VWDE: variants seen among roughly 807,000 people sequenced by gnomAD.
VWDE encodes von Willebrand factor D and EGF domain-containing protein.
In VWDE, 207 loss-of-function variants were observed where a neutral mutation model predicts 178.4. That is an observed-to-expected ratio of 1.16 (90% CI 1.04 to 1.30). VWDE has a LOEUF of 1.30. Ranked by LOEUF, VWDE falls within the 50% of genes most tolerant of loss-of-function variation. The probability of loss-of-function intolerance (pLI) is 0.00; values close to 1 mark genes in which losing one functional copy is unlikely to be tolerated. For synonymous variants in VWDE, 738 were observed against 651.4 expected (o/e 1.13, Z -2.02); for missense variants, 2,287 against 1,901.3 (o/e 1.20, Z -3.77).
chr7:12,344,264 G>A lies in VWDE; in HGVS notation c.4009C>T (p.His1337Tyr). 1 of 1,551,070 alleles carries A rather than the reference G, an allele frequency of 6.4e-7. No individual in the cohort carries two copies. The change falls in exon 21 of 29, where the codon CAT becomes TAT. Residue 1337 changes from histidine (H) to tyrosine (Y), a missense_variant. His to Tyr is a moderately conservative substitution (Grantham distance 83). Coordinates refer to ENST00000275358, the MANE Select transcript of VWDE (RefSeq NM_001135924.3). ...TALCDPDCKN[H>Y]GKCIKPNICQ... ...ATGTTAGGCTTAATACATTTTCCATGGTTTTTGCAATCAGGGTCACAAAGA... is the reference window on the plus strand; with the variant it reads ...ATGTTAGGCTTAATACATTTTCCATAGTTTTTGCAATCAGGGTCACAAAGA...
Position 12,356,147 on chromosome 7 carries a change from G to A in VWDE, c.3709C>T (p.His1237Tyr). 1 of 1,551,476 alleles carries A rather than the reference G, an allele frequency of 6.4e-7. No individual in the cohort carries two copies. Among genetic ancestry groups the A allele is most frequent in the Non-Finnish European group, 8.7e-7 (1 of 1,146,996 alleles). ...GGTGGACAATCACAGGAATAACTGT[G>A]AAAACCACTAATATAGCTGCCAAGA... Reference protein sequence around the residue: ...CGLGSYISGFHSYSCDCPPEL... With the variant: ...CGLGSYISGFYSYSCDCPPEL... Residue 1237 changes from histidine (H) to tyrosine (Y), a missense_variant, in exon 18 of 29, where the codon CAC becomes TAC. By Grantham distance (83) the His-to-Tyr change is moderately conservative. Transcript: ENST00000275358.
At chr7:12,351,747 TAAACTATTAGACA>T in intron 18 of VWDE, 34 bp from the exon 19 acceptor site, 5 of 1,506,152 alleles carry the variant, frequency 3.3e-6, no homozygotes, top group Non-Finnish European at 4.4e-6. Flanking sequence ...AGATTAGACT[TAAACTATTAGACA>T]ACCAAAGCAC....
Position 12,340,368 on chromosome 7 carries a change from A to C in VWDE, c.4320T>G (p.Asn1440Lys), listed in dbSNP as rs1349113663. ...AGAATCCATTTGGACAGAGGCAAGT[A>C]TTTGGCTTATTACACGAACCACCAT... The part of the protein sequence containing the change: ...CLNGGSCNKP[N>K]TCLCPNGFFG... The change falls in exon 24 of 29, where the codon AAT (asparagine) becomes AAG (lysine). Residue 1440 changes from asparagine to lysine, a missense_variant. Coordinates refer to ENST00000275358, the MANE Select transcript of VWDE (RefSeq NM_001135924.3). 1.9e-6 allele frequency: 3 copies of C among 1,551,426 alleles called. No individual in the cohort carries two copies. Among genetic ancestry groups the C allele is most frequent in the Non-Finnish European group, 2.6e-6 (3 of 1,146,878 alleles).
At chr7:12,383,131 C>G (rs1447135422) in intron 4 of VWDE, among the ~76,000 whole-genome samples, 1 of 151,962 alleles carries the variant, frequency 6.6e-6, no homozygotes, top group African/African-American at 2.4e-5. Flanking sequence ...AGCCAATCAG[C>G]AGTTACTGGA....
In VWDE at chr7:12,340,197, C is replaced by G. The variant is rs551334629; in HGVS notation, c.4366+125G>C. 4.7e-5 allele frequency: 33 copies of G among 703,414 alleles called. No homozygotes were observed. In the South Asian group the frequency reaches 6.7e-4, roughly 14 times the overall value. The allele number at this position is 703,414 out of a possible 1,614,324, so 43.6% of individuals were successfully genotyped here. A position where few individuals can be genotyped will look rare whatever the true frequency, so the allele number is the denominator to read the frequency against. Reference sequence around the variant, plus strand: ...AGTAATTTGGTGGGCATACTTGAAACATCGCAAGAATTCTGGGGAAAAAAT... The same window carrying G: ...AGTAATTTGGTGGGCATACTTGAAAGATCGCAAGAATTCTGGGGAAAAAAT... On this transcript the variant is annotated intron_variant, in intron 24 of 28. Transcript: ENST00000275358.
At chr7:12,341,775 C>T (rs1781345912) in intron 23 of VWDE, among the ~76,000 whole-genome samples, 1 of 152,050 alleles carries the variant, frequency 6.6e-6, no homozygotes, top group Admixed American at 6.5e-5. Flanking sequence ...GAAGATTCAA[C>T]ACGTTTCTCT....
intron 19 of VWDE, 84 bp downstream of exon 19, chr7:12,351,489 C>T: frequency 2.9e-6 from 4 of 1,372,394 alleles, no homozygotes; most frequent in Admixed American, 2.9e-5. Context: ...AATAAAAATA[C>T]CTGAGGAATA....
intron 1 of VWDE, among the ~76,000 whole-genome samples, chr7:12,401,869 A>G (rs1784912693): frequency 6.6e-6 from 1 of 152,332 alleles, no homozygotes; most frequent in South Asian, 2.1e-4. Flanking sequence ...TATTTATAAT[A>G]GTCAAAAGGT....
intron 22 of VWDE, among the ~76,000 whole-genome samples, 200 bp downstream of exon 22, chr7:12,342,883 C>G (rs923529941): frequency 5.5e-5 from 8 of 144,566 alleles, no homozygotes; most frequent in African/African-American, 2.1e-4. Context: ...CTTCCTGTGT[C>G]CATGTGATCC....
chr7:12,390,861 T>C (rs1784352482), intron 2 of VWDE, among the ~76,000 whole-genome samples: 1 of 152,080 alleles, frequency 6.6e-6, no homozygotes, highest in South Asian at 2.1e-4. Context: ...AAAAAGACTT[T>C]AACCATTACT....
At chr7:12,399,518 T>A (rs1402428698) in intron 1 of VWDE, among the ~76,000 whole-genome samples, 1 of 152,182 alleles carries the variant, frequency 6.6e-6, no homozygotes, top group East Asian at 1.9e-4. Flanking sequence ...ATATCAATTT[T>A]AAAAACAGGC....
At position 12,396,765 on chromosome 7, in the gene VWDE, A is replaced by C. The variant is rs529873047; in HGVS notation, c.59-2987T>G. On this transcript the variant is annotated intron_variant, in intron 1 of 28. Coordinates refer to ENST00000275358, the MANE Select transcript of VWDE (RefSeq NM_001135924.3). ...ACCCCATCTCTACTTAAAAAAAAAA[A>C]AAAAATACAAAAATACAAAATCAGC... 1.5e-3 allele frequency among the ~76,000 whole-genome samples: 235 copies of C among 152,018 alleles called. 1 individual carries two copies. Among genetic ancestry groups the C allele is most frequent in the South Asian group, 9.6e-3 (46 of 4,800 alleles).
intron 19 of VWDE, among the ~76,000 whole-genome samples, chr7:12,346,464 A>C (rs1387537343): frequency 6.6e-6 from 1 of 152,170 alleles, no homozygotes; most frequent in East Asian, 1.9e-4. Flanking sequence ...ATGTATAAGC[A>C]AAAATTGGGA....
At position 12,369,542 on chromosome 7, in the gene VWDE, T is replaced by A. The variant is rs898568060; in HGVS notation, c.2761+3A>T. ...ATATCAAACTTTGAGAGTACTTACT[T>A]ACCATAGGAATCACTGCAGTCATAG... is the stretch of plus-strand genomic sequence containing the variant. On this transcript the variant is annotated splice_donor_region_variant and intron_variant, in intron 12 of 28. Coordinates refer to ENST00000275358, the MANE Select transcript of VWDE (RefSeq NM_001135924.3). 2.0e-6 allele frequency: 3 copies of A among 1,515,282 alleles called. No individual in the cohort carries two copies. In the South Asian group the frequency reaches 3.8e-5, roughly 19 times the overall value. The allele number at this position is 1,515,282 out of a possible 1,614,324, so 93.9% of individuals were successfully genotyped here.
At position 12,393,660 on chromosome 7, in the gene VWDE, G is replaced by A; in HGVS notation, c.177C>T (p.Leu59=). 1 of 1,551,270 alleles carries A rather than the reference G, an allele frequency of 6.4e-7. No individual in the cohort carries two copies. The highest frequency in any genetic ancestry group is 1.2e-5 in the South Asian group (1 of 84,044). Reference sequence around the variant, plus strand: ...TGAGAAATCTATACCATCCAGGGGAGAGGGAATGGTCACATATTAGGTCTT... The same window carrying A: ...TGAGAAATCTATACCATCCAGGGGAAAGGGAATGGTCACATATTAGGTCTT... ...AVQDLICDHS[L]SPGWYRFLIL... is the part of the protein sequence containing the mutation. The change falls in exon 2 of 29, where the codon CTC becomes CTT. Residue 59 remains leucine (L), a synonymous_variant. Coordinates refer to ENST00000275358, the MANE Select transcript of VWDE (RefSeq NM_001135924.3).
At position 12,379,470 on chromosome 7, in the gene VWDE, T is replaced by C; in HGVS notation, c.879+7A>G. On this transcript the variant is annotated splice_region_variant and intron_variant, in intron 6 of 28. Transcript: ENST00000275358. ...AATCTTTCTGATGCATCCCCACTGC[T>C]GCGTACCTTAAAGCCTGCAAAAAAT... is the stretch of plus-strand genomic sequence containing the variant. 4 of 1,542,364 alleles carry C rather than the reference T, an allele frequency of 2.6e-6. No individual in the cohort carries two copies. Among genetic ancestry groups the C allele is most frequent in the Non-Finnish European group, 3.5e-6 (4 of 1,140,096 alleles).
chr7:12,333,232 G>A (rs1437761764), intron 28 of VWDE, among the ~76,000 whole-genome samples: 2 of 151,988 alleles, frequency 1.3e-5, no homozygotes, highest in Admixed American at 6.6e-5. Context: ...GAAATACTGC[G>A]TTACATTGGA....
At chr7:12,337,294 A>G in intron 24 of VWDE, 22 bp from the exon 25 acceptor site, 2 of 1,532,296 alleles carry the variant, frequency 1.3e-6, no homozygotes, top group Non-Finnish European at 1.8e-6. Flanking sequence ...CATGGCAGCA[A>G]TCTGTGAATA....
chr7:12,340,265 T>C, intron 24 of VWDE, 57 bp downstream of exon 24: 1 of 1,308,160 alleles, frequency 7.6e-7, no homozygotes, highest in African/African-American at 1.5e-5. Flanking sequence ...TACTCAGAGC[T>C]CTGTTGATAT....
Sources: gnomAD v4.1 joint callset for allele counts (sites outside exome capture counted in the v4.1 genomes callset) on GRCh38, gnomAD v4.1.1 for gene constraint, MANE v1.5 for transcripts, NCBI Gene and HGNC (gene_info 2026-07-23, HGNC 2026-07-21) for gene names.